The following ZC3H11A variants were observed in gnomAD, a reference collection of about 807,000 sequenced individuals.
ZC3H11A encodes the protein zinc finger CCCH domain-containing protein 11A.
Under a neutral mutation model 90.8 loss-of-function variants are expected in ZC3H11A, and 22 were observed. The ratio of observed to expected loss-of-function variants is 0.24; its 90% confidence interval spans 0.17 to 0.35. The LOEUF (loss-of-function observed/expected upper bound fraction) is 0.35, where lower values mean the gene tolerates loss of function less well. Ranked by LOEUF, ZC3H11A falls within the 10% of genes least tolerant of loss-of-function variation. The pLI, the probability that ZC3H11A is intolerant of heterozygous loss-of-function variation, is 1.00. For missense variants in ZC3H11A, 701 were observed against 964.9 expected (o/e 0.73, Z 3.62); for synonymous variants, 294 against 339.8 (o/e 0.87, Z 1.48).
intron 10 of ZC3H11A, among the ~76,000 whole-genome samples, chr1:203,836,395 T>A (rs549333486): frequency 2.0e-5 from 3 of 152,248 alleles, no homozygotes; most frequent in Non-Finnish European, 4.4e-5. Flanking sequence ...TTCAGTCAAG[T>A]AATCTAAAAA....
At chr1:203,823,648 A>C (rs1679508985) in intron 4 of ZC3H11A, among the ~76,000 whole-genome samples, 1 of 152,258 alleles carries the variant, frequency 6.6e-6, no homozygotes, top group Non-Finnish European at 1.5e-5. Flanking sequence ...CAGTAGTCTA[A>C]GAGCTGCTAT....
At chr1:203,820,466 T>TTGTGTGTGTGTGTGTGTGTG (rs144962991) in intron 4 of ZC3H11A, among the ~76,000 whole-genome samples, 19 of 136,468 alleles carry the variant, frequency 1.4e-4, no homozygotes, top group South Asian at 2.3e-4. Flanking sequence ...ATATCACAAA[T>TTGTGTGTGTGTGTGTGTGTG]TATGTGTGTG....
chr1:203,800,298 C>A, intron 1 of ZC3H11A: 1 of 913,530 alleles, frequency 1.1e-6, no homozygotes, highest in South Asian at 1.4e-5. Context: ...TAGCCACTTT[C>A]ATCCAAAACA....
At chr1:203,797,999 C>A in intron 1 of ZC3H11A, 1 of 1,533,756 alleles carries the variant, frequency 6.5e-7, no homozygotes, top group Non-Finnish European at 8.7e-7. Flanking sequence ...AAAGCGTCAG[C>A]AGGGGTAAAC....
At chr1:203,841,960 C>A (rs1178990312) in intron 12 of ZC3H11A, among the ~76,000 whole-genome samples, 4 of 143,130 alleles carry the variant, frequency 2.8e-5, no homozygotes, top group Non-Finnish European at 6.0e-5. Context: ...AGTTCCCAGA[C>A]GGGGCCGCGG....
At chr1:203,830,235 T>C in intron 8 of ZC3H11A, 32 bp downstream of exon 8, 1 of 1,526,826 alleles carries the variant, frequency 6.5e-7, no homozygotes, top group Non-Finnish European at 8.9e-7. Flanking sequence ...TGGATAGTTG[T>C]ATGTTGCTAG....
chr1:203,851,134 T>C lies in ZC3H11A; in HGVS notation c.2174+10T>C, dbSNP rs562487458. The C allele has an allele frequency of 6.8e-6, 11 of 1,613,738 alleles. No individual in the cohort carries two copies. Among genetic ancestry groups the C allele is most frequent in the African/African-American group, 6.7e-5 (5 of 75,032 alleles). On this transcript the variant is annotated intron_variant, in intron 17 of 17. Coordinates refer to ENST00000367210, the MANE Select transcript of ZC3H11A (RefSeq NM_001376342.1). The stretch of plus-strand genomic sequence containing the variant: ...AAAATCCTAGAGACAGGTAATACTT[T>C]GTAATTCTTTCTAAACAAACTCCAG...
intron 11 of ZC3H11A, among the ~76,000 whole-genome samples, chr1:203,838,902 A>G (rs1472991498): frequency 6.7e-6 from 1 of 149,340 alleles, no homozygotes; most frequent in Non-Finnish European, 1.5e-5. Context: ...ACAGTGAGCC[A>G]AGATCAGTCA....
In ZC3H11A at chr1:203,835,296, C is replaced by T. The variant is rs945382826; in HGVS notation, c.874+1443C>T. Among the ~76,000 whole-genome samples, 8 of 152,160 alleles carry T rather than the reference C, an allele frequency of 5.3e-5. No homozygotes were observed. The South Asian group carries it at 1.7e-3, about 32-fold the overall frequency. ...TTGGCAACCATGAGTAAACCATGCA[C>T]AATGCTTGGCACTTGATATCAGTAA... On this transcript the variant is annotated intron_variant, in intron 10 of 17. Transcript: ENST00000367210.
chr1:203,852,643 T>C lies in ZC3H11A; in HGVS notation c.*244T>C, dbSNP rs1335886617. Reference sequence around the variant, plus strand: ...ATCTTTTGAGAAAAAAGTTCTGTCATACCCTTCTCTCCACAAAAAAGAGAC... The same window carrying C: ...ATCTTTTGAGAAAAAAGTTCTGTCACACCCTTCTCTCCACAAAAAAGAGAC... On this transcript the variant is annotated 3_prime_UTR_variant, in exon 18 of 18. Coordinates refer to ENST00000367210, the MANE Select transcript of ZC3H11A (RefSeq NM_001376342.1). 5 of 503,372 alleles carry C rather than the reference T, an allele frequency of 9.9e-6. No homozygotes were observed. Among genetic ancestry groups the C allele is most frequent in the African/African-American group, 3.9e-5 (2 of 51,652 alleles). 31.2% of individuals were successfully genotyped at this position (503,372 alleles called of 1,614,324 possible). A position where few individuals can be genotyped will look rare whatever the true frequency, so the allele number is the denominator to read the frequency against.
chr1:203,849,760 G>A lies in ZC3H11A; in HGVS notation c.1673G>A (p.Arg558Lys), dbSNP rs781530055. The change falls in exon 15 of 18, where the codon AGA (arginine) becomes AAA (lysine). Residue 558 changes from arginine (R) to lysine (K), a missense_variant. Around this residue, in one of 4 missense-constraint regions of ZC3H11A, gnomAD observed 530 missense variants for 696.2 expected, o/e 0.76. Transcript: ENST00000367210. ...GACATCACTAAAATTCAAGTCAAGA[G>A]ATGTGAGACCATGAGAGAGAAGCAC... ...GVDITKIQVKRCETMREKHMQ... is the reference protein window; with the variant it reads ...GVDITKIQVKKCETMREKHMQ... 3.8e-5 allele frequency: 62 copies of A among 1,613,836 alleles called. No individual in the cohort carries two copies. The highest frequency in any genetic ancestry group is 4.7e-5 in the Non-Finnish European group (56 of 1,179,864).
At chr1:203,797,766 G>A in intron 1 of ZC3H11A, 1 of 1,535,640 alleles carries the variant, frequency 6.5e-7, no homozygotes, top group Admixed American at 2.0e-5. Flanking sequence ...ATTGATTCTT[G>A]CCAAAAAGTT....
intron 2 of ZC3H11A, among the ~76,000 whole-genome samples, chr1:203,816,720 A>G (rs992123909): frequency 5.3e-5 from 8 of 152,216 alleles, no homozygotes; most frequent in Non-Finnish European, 1.0e-4. Flanking sequence ...CAGAGAATAT[A>G]AAAGAAGGGC....
Position 203,850,597 on chromosome 1 carries a change from G to T in ZC3H11A, c.2022G>T (p.Glu674Asp), listed in dbSNP as rs764661487. 3.7e-6 allele frequency: 6 copies of T among 1,614,102 alleles called. No individual in the cohort carries two copies. In the South Asian group the frequency reaches 5.5e-5, roughly 15 times the overall value. The change falls in exon 16 of 18, where the codon GAG becomes GAT. Residue 674 changes from glutamate (E) to aspartate (D), a missense_variant. Glu to Asp is a conservative substitution (Grantham distance 45). Coordinates refer to ENST00000367210, the MANE Select transcript of ZC3H11A (RefSeq NM_001376342.1). ...TGGCCCCAAAACGTAAGGCAGTGGAGATGCACGCTGCTGTCATTGCCGCTG... is the reference window on the plus strand; with the variant it reads ...TGGCCCCAAAACGTAAGGCAGTGGATATGCACGCTGCTGTCATTGCCGCTG... The part of the protein sequence containing the change: ...PKLAPKRKAV[E>D]MHAAVIAAVK...
intron 1 of ZC3H11A, chr1:203,800,740 C>T (rs1202384873): frequency 8.5e-6 from 2 of 236,182 alleles, no homozygotes; most frequent in East Asian, 8.4e-5. Flanking sequence ...ATTGAAAGGC[C>T]TTAGGCTTTC....
At position 203,829,604 on chromosome 1, in the gene ZC3H11A, C is replaced by T. The variant is rs370983334; in HGVS notation, c.452C>T (p.Thr151Met). 4.5e-5 allele frequency: 72 copies of T among 1,614,032 alleles called. No homozygotes were observed. Among genetic ancestry groups the T allele is most frequent in the Non-Finnish European group, 5.3e-5 (63 of 1,180,036 alleles). Reference sequence around the variant, plus strand: ...AGTTCCGAAAATGTTCCTAGCCCCACGCATCCACCAGTTGTAATTAATGCT... The same window carrying T: ...AGTTCCGAAAATGTTCCTAGCCCCATGCATCCACCAGTTGTAATTAATGCT... ...VESSENVPSPTHPPVVINAAD... is the reference protein window; with the variant it reads ...VESSENVPSPMHPPVVINAAD... Residue 151 changes from threonine (T) to methionine (M), a missense_variant, in exon 6 of 18, where the codon ACG (threonine) becomes ATG (methionine). Thr to Met is a moderately conservative substitution (Grantham distance 81). Coordinates refer to ENST00000367210, the MANE Select transcript of ZC3H11A (RefSeq NM_001376342.1).
At chr1:203,826,569 T>C (rs6673230) in intron 4 of ZC3H11A, among the ~76,000 whole-genome samples, 19,184 of 152,162 alleles carry the variant, frequency 0.13, 1,588 homozygotes, top group East Asian at 0.29. Flanking sequence ...CAGTGTATAA[T>C]TGAATTTTAT....
chr1:203,802,716 T>C lies in ZC3H11A; in HGVS notation c.-446T>C, dbSNP rs1178981630. ...TCAAGTTCATCTTTAAATGAACTCT[T>C]TTTTTTTGTTTTTTTTTTGTTTTGT... On this transcript the variant is annotated 5_prime_UTR_variant, in exon 2 of 18. Coordinates refer to ENST00000367210, the MANE Select transcript of ZC3H11A (RefSeq NM_001376342.1). The C allele has an allele frequency of 2.9e-5, 4 of 136,816 alleles. No homozygotes were observed. The East Asian group carries it at 7.2e-4, about 25-fold the overall frequency. 8.5% of individuals were successfully genotyped at this position (136,816 alleles called of 1,614,324 possible).
In ZC3H11A at chr1:203,795,809, T is replaced by G. The variant is rs1363774150; in HGVS notation, c.-1588+15T>G. ...TCTGTTCTCTGGTAACTAGACCCGT[T>G]TTTTTGATTCCCGGGTGGCTTGGGG... On this transcript the variant is annotated intron_variant, in intron 1 of 17. Transcript: ENST00000367210. The G allele has an allele frequency of 6.6e-6, 1 of 152,096 alleles. No homozygotes were observed. Among genetic ancestry groups the G allele is most frequent in the Admixed American group, 6.5e-5 (1 of 15,268 alleles). 9.4% of individuals were successfully genotyped at this position (152,096 alleles called of 1,614,324 possible).
Sources: gnomAD v4.1 joint callset for allele counts (sites outside exome capture counted in the v4.1 genomes callset) on GRCh38, gnomAD v4.1.1 for gene constraint, gnomAD v4.1.1 regional missense constraint, MANE v1.5 for transcripts, NCBI Gene and HGNC (gene_info 2026-07-23, HGNC 2026-07-21) for gene names.